The following CBFA2T3 variants were observed in gnomAD, a reference collection of about 807,000 sequenced individuals.
CBFA2T3 encodes the protein transcriptional corepressor CBFA2T3.
CBFA2T3 carries 31 observed loss-of-function variants against 58.6 expected under a neutral mutation model. That is an observed-to-expected ratio of 0.53 (90% CI 0.40 to 0.71). CBFA2T3 has a LOEUF of 0.71. CBFA2T3 is among the 30% of genes least tolerant of loss of function. CBFA2T3 has a pLI of 0.00. For missense variants in CBFA2T3, 1,076 were observed against 963.1 expected (o/e 1.12, Z -1.55); for synonymous variants, 531 against 421.9 (o/e 1.26, Z -3.17).
chr16:88,891,656 G>A (rs987735042), intron 5 of CBFA2T3, among the ~76,000 whole-genome samples: 19 of 152,184 alleles, frequency 1.2e-4, no homozygotes, highest in African/African-American at 4.3e-4. Flanking sequence ...CTAATTTTCA[G>A]GCCTTAACTA....
intron 3 of CBFA2T3, among the ~76,000 whole-genome samples, chr16:88,894,580 GCATA>G (rs1049537454): frequency 6.1e-5 from 9 of 147,608 alleles, no homozygotes; most frequent in Non-Finnish European, 8.9e-5. Context: ...ACACACACAT[GCATA>G]CATATACACA....
At chr16:88,923,775 G>T (rs1252719532) in intron 1 of CBFA2T3, among the ~76,000 whole-genome samples, 1 of 152,200 alleles carries the variant, frequency 6.6e-6, no homozygotes, top group Non-Finnish European at 1.5e-5. Flanking sequence ...TCCTGGGCTG[G>T]ACACCGGCAC....
intron 1 of CBFA2T3, among the ~76,000 whole-genome samples, chr16:88,913,185 G>A (rs749737290): frequency 5.6e-4 from 86 of 152,344 alleles, no homozygotes; most frequent in Non-Finnish European, 1.2e-3. Flanking sequence ...GGACGTCAGC[G>A]GCGGGCAGCC....
intron 5 of CBFA2T3, 112 bp downstream of exon 5, chr16:88,891,770 T>C (rs1220266940): frequency 4.2e-6 from 3 of 720,018 alleles, no homozygotes; most frequent in Non-Finnish European, 7.2e-6. Flanking sequence ...CCTGCCTATC[T>C]GGCCACTTAA....
At chr16:88,963,601 T>G (rs984841796) in intron 1 of CBFA2T3, among the ~76,000 whole-genome samples, 2 of 152,192 alleles carry the variant, frequency 1.3e-5, no homozygotes, top group African/African-American at 4.8e-5. Flanking sequence ...TTTGTTATCG[T>G]GGACATTCCA....
chr16:88,881,372 C>T lies in CBFA2T3; in HGVS notation c.1321G>A (p.Ala441Thr), dbSNP rs199953961. 1.8e-3 allele frequency: 2,823 copies of T among 1,584,404 alleles called. 1 individual carries two copies. The highest frequency in any genetic ancestry group is 2.2e-3 in the Non-Finnish European group (2,590 of 1,167,764). ...GCGGGGCCCTTCTTTGTGTCCTCGGCGTCGCTGTAGCGCCGCGCCCAGTGG... is the reference window on the plus strand; with the variant it reads ...GCGGGGCCCTTCTTTGTGTCCTCGGTGTCGCTGTAGCGCCGCGCCCAGTGG... ...LNHWARRYSD[A>T]EDTKKGPAPA... Residue 441 changes from alanine (A) to threonine (T), a missense_variant, in exon 9 of 12, where the codon GCC (alanine) becomes ACC (threonine). Physicochemically the swap from Ala to Thr is moderately conservative, Grantham distance 58 (BLOSUM62 0). Coordinates refer to ENST00000268679, the MANE Select transcript of CBFA2T3 (RefSeq NM_005187.6).
intron 1 of CBFA2T3, among the ~76,000 whole-genome samples, chr16:88,927,647 G>A (rs546862119): frequency 1.3e-5 from 2 of 152,184 alleles, no homozygotes; most frequent in South Asian, 4.1e-4. Flanking sequence ...GCAGCTGTAG[G>A]GGGGTTCAGC....
chr16:88,974,857 G>A (rs1428632934), intron 1 of CBFA2T3, among the ~76,000 whole-genome samples: 4 of 152,088 alleles, frequency 2.6e-5, no homozygotes, highest in Non-Finnish European at 5.9e-5. Context: ...TCCCCTGGGG[G>A]CCTTGGGAGG....
chr16:88,881,017 C>G lies in CBFA2T3; in HGVS notation c.1403-229G>C, dbSNP rs1032490099. ...GACTCGGCTGGGAGCCGTGTGTGTC[C>G]TGGGCCTCTCCTGTGTCAGCATTCG... On this transcript the variant is annotated intron_variant, in intron 9 of 11. Coordinates refer to ENST00000268679, the MANE Select transcript of CBFA2T3 (RefSeq NM_005187.6). 4.3e-6 allele frequency: 3 copies of G among 693,690 alleles called. No homozygotes were observed. In the Admixed American group the frequency reaches 6.2e-5, roughly 14 times the overall value. 43.0% of individuals were successfully genotyped at this position (693,690 alleles called of 1,614,324 possible). A position where few individuals can be genotyped will look rare whatever the true frequency, so the allele number is the denominator to read the frequency against.
intron 1 of CBFA2T3, among the ~76,000 whole-genome samples, chr16:88,920,638 G>A (rs1180393110): frequency 6.6e-6 from 1 of 152,198 alleles, no homozygotes; most frequent in Non-Finnish European, 1.5e-5. Flanking sequence ...GTGGTGCATG[G>A]TGACGGAGTG....
At chr16:88,925,490 A>G (rs1971057075) in intron 1 of CBFA2T3, among the ~76,000 whole-genome samples, 2 of 152,084 alleles carry the variant, frequency 1.3e-5, no homozygotes, top group South Asian at 4.2e-4. Flanking sequence ...GCAGCCAGAG[A>G]CCTGCTCCGA....
Position 88,880,902 on chromosome 16 carries a change from G to A in CBFA2T3, c.1403-114C>T, listed in dbSNP as rs955054479. ...GCAGGGCGTGAGTGTGTGCGTCCCT[G>A]GGGGGAGGCCCAGGTGCCCTCGGAC... On this transcript the variant is annotated intron_variant, in intron 9 of 11. Transcript: ENST00000268679. 21 of 984,656 alleles carry A rather than the reference G, an allele frequency of 2.1e-5. No homozygotes were observed. In the Admixed American group the frequency reaches 3.1e-4, roughly 15 times the overall value. 61.0% of individuals were successfully genotyped at this position (984,656 alleles called of 1,614,324 possible).
intron 1 of CBFA2T3, among the ~76,000 whole-genome samples, chr16:88,915,086 G>A (rs1970649481): frequency 1.3e-5 from 2 of 151,386 alleles, no homozygotes; most frequent in Admixed American, 1.3e-4. Context: ...GGGGTAGCGG[G>A]TCCCTTCTCT....
rs1036127644 is a variant in CBFA2T3 at position 88,976,825 on chromosome 16, G to GGGGCCA, written c.-24_-19dup. ...GCCGGCATGAGGAGGGCCACCCTCA[G>GGGGCCA]GGGCCAACCTGGAGCCCAGGACAGG... On this transcript the variant is annotated 5_prime_UTR_variant, in exon 1 of 12. Transcript: ENST00000268679. The GGGGCCA allele has an allele frequency of 3.2e-6, 5 of 1,543,654 alleles. No homozygotes were observed. In the African/African-American group the frequency reaches 6.8e-5, roughly 21 times the overall value.
At chr16:88,891,804 T>C in intron 5 of CBFA2T3, 78 bp downstream of exon 5, 3 of 997,784 alleles carry the variant, frequency 3.0e-6, no homozygotes, top group South Asian at 2.7e-5. Flanking sequence ...TGTCCACCGC[T>C]GTCCACGCTG....
At chr16:88,897,960 G>A (rs1969950449) in intron 3 of CBFA2T3, 118 bp downstream of exon 3, 1 of 768,092 alleles carries the variant, frequency 1.3e-6, no homozygotes, top group Non-Finnish European at 2.3e-6. Context: ...AGGCAATGCT[G>A]AGGGTGCGGA....
chr16:88,893,299 GC>G (rs370834041), intron 3 of CBFA2T3, among the ~76,000 whole-genome samples: 12 of 142,092 alleles, frequency 8.4e-5, no homozygotes, highest in African/African-American at 2.7e-4. Context: ...TGAGCAATGT[GC>G]CCCCCCCGAC....
chr16:88,923,493 T>G (rs1271175300), intron 1 of CBFA2T3, among the ~76,000 whole-genome samples: 1 of 152,226 alleles, frequency 6.6e-6, no homozygotes, highest in Non-Finnish European at 1.5e-5. Flanking sequence ...CCAGAAGGGC[T>G]GTTTGTTTGG....
At chr16:88,932,791 CAAAAAAAAAAAAAAAAAA>C (rs576934029) in intron 1 of CBFA2T3, among the ~76,000 whole-genome samples, 12 of 27,862 alleles carry the variant, frequency 4.3e-4, no homozygotes, top group Non-Finnish European at 6.4e-4. Context: ...ACTAAAAATA[CAAAAAAAAAAAAAAAAAA>C]AAAAAAAAAA....
Sources: gnomAD v4.1 joint callset for allele counts (sites outside exome capture counted in the v4.1 genomes callset) on GRCh38, gnomAD v4.1.1 for gene constraint, MANE v1.5 for transcripts, NCBI Gene and HGNC (gene_info 2026-07-23, HGNC 2026-07-21) for gene names.